Variants in PSAP observed in about 807,000 individuals in gnomAD.
The protein encoded by PSAP is prosaposin.
A neutral mutation model predicts 66.0 loss-of-function variants in PSAP; 25 were observed. The observed-to-expected ratio is 0.38, with a 90% confidence interval of 0.28 to 0.53. The LOEUF is 0.53. PSAP is among the 20% of genes least tolerant of loss of function. PSAP has a pLI of 0.83. For missense variants in PSAP, 649 were observed against 668.8 expected, an observed-to-expected ratio of 0.97 and a Z score of 0.33; for synonymous variants, 273 against 258.9, an observed-to-expected ratio of 1.05 and a Z score of -0.52.
intron 1 of PSAP, among the ~76,000 whole-genome samples, chr10:71,834,875 T>G (rs1589454519): frequency 6.6e-6 from 1 of 152,166 alleles, no homozygotes; most frequent in East Asian, 1.9e-4. Flanking sequence ...GACTAACAAA[T>G]TCAAATACAG....
intron 1 of PSAP, among the ~76,000 whole-genome samples, chr10:71,843,978 T>C (rs1325205565): frequency 6.6e-6 from 1 of 152,218 alleles, no homozygotes. Context: ...AATCTAACAT[T>C]ATCTCAAATT....
At chr10:71,851,064 G>T in intron 1 of PSAP, 118 bp downstream of exon 1, 3 of 1,212,222 alleles carry the variant, frequency 2.5e-6, no homozygotes, top group East Asian at 2.5e-5. Context: ...CGCAGTGCGC[G>T]CGCCCCCTTG....
intron 7 of PSAP, chr10:71,823,998 G>C (rs982644343): frequency 2.3e-6 from 2 of 868,546 alleles, no homozygotes; most frequent in African/African-American, 1.7e-5. Context: ...TTAACCAGGT[G>C]TAAGGATGTC....
At chr10:71,823,246 C>G (rs998968620) in intron 7 of PSAP, among the ~76,000 whole-genome samples, 3 of 152,176 alleles carry the variant, frequency 2.0e-5, no homozygotes, top group Non-Finnish European at 4.4e-5. Context: ...TGGCTCAGAG[C>G]AAGTATGGAC....
At chr10:71,838,833 T>C (rs1395131631) in intron 1 of PSAP, among the ~76,000 whole-genome samples, 1 of 152,000 alleles carries the variant, frequency 6.6e-6, no homozygotes, top group East Asian at 1.9e-4. Flanking sequence ...AGAAACAAAA[T>C]GCATAACTTA....
At chr10:71,820,155 C>A in intron 9 of PSAP, 85 bp downstream of exon 9, 1 of 1,257,058 alleles carries the variant, frequency 8.0e-7, no homozygotes. Context: ...TGGGCCAAGC[C>A]CTCTCTCCTG....
At chr10:71,849,063 G>A (rs1842876834) in intron 1 of PSAP, among the ~76,000 whole-genome samples, 1 of 152,124 alleles carries the variant, frequency 6.6e-6, no homozygotes, top group Non-Finnish European at 1.5e-5. Context: ...TAAGGGTCTT[G>A]TGAGGAGTGA....
In PSAP at chr10:71,828,960, T is replaced by G. The variant is rs1169562470; in HGVS notation, c.493A>C (p.Thr165Pro). ...ESNKIPELDM[T>P]EVVAPFMANI... ...GCCATGAAGGGGGCCACCACCTCAG[T>G]CATGTCCAGCTCTGGGATCTTATTG... The change falls in exon 5 of 14, where the codon ACT (threonine) becomes CCT (proline). Residue 165 changes from threonine to proline, a missense_variant. By Grantham distance (38) the Thr-to-Pro change is conservative. Transcript: ENST00000394936. The G allele has an allele frequency of 1.9e-6, 3 of 1,614,174 alleles. No homozygotes were observed. The Admixed American group carries it at 5.0e-5, about 27-fold the overall frequency.
At chr10:71,833,016 C>CAAAAAAAAAAAAAAAAAAA (rs781415981) in intron 2 of PSAP, among the ~76,000 whole-genome samples, 7 of 50,710 alleles carry the variant, frequency 1.4e-4, no homozygotes, top group South Asian at 8.6e-4. Flanking sequence ...GAGTCCATCT[C>CAAAAAAAAAAAAAAAAAAA]AAAAAAAAAA....
At chr10:71,848,488 C>G (rs953800524) in intron 1 of PSAP, among the ~76,000 whole-genome samples, 1 of 152,144 alleles carries the variant, frequency 6.6e-6, no homozygotes, top group Non-Finnish European at 1.5e-5. Context: ...AGATTACATG[C>G]TCTCCAATTC....
intron 7 of PSAP, chr10:71,823,901 T>C (rs1003181076): frequency 5.4e-6 from 7 of 1,296,884 alleles, no homozygotes; most frequent in African/African-American, 3.0e-5. Flanking sequence ...ATCCTGCTGT[T>C]GAACAAAAAA....
rs148840946 is a variant in PSAP at position 71,844,181 on chromosome 10, T to C, written c.40+7001A>G. On this transcript the variant is annotated intron_variant, in intron 1 of 13. Coordinates refer to ENST00000394936, the MANE Select transcript of PSAP (RefSeq NM_002778.4). ...ACTGGAAACTGAATACGTTATGGAA[T>C]GGCAACTGCCAAGATCATTTGAGAG... Among the ~76,000 whole-genome samples the C allele has an allele frequency of 7.4e-3, 1,134 of 152,352 alleles. 6 individuals carry two copies. Among genetic ancestry groups the C allele is most frequent in the Non-Finnish European group, 0.011 (764 of 68,030 alleles).
intron 1 of PSAP, among the ~76,000 whole-genome samples, chr10:71,836,107 T>C (rs2133055671): frequency 6.6e-6 from 1 of 152,310 alleles, no homozygotes; most frequent in Middle Eastern, 3.4e-3. Context: ...AAATGAATTA[T>C]TCATCTGCTG....
At chr10:71,825,130 C>T (rs1842377003) in intron 7 of PSAP, among the ~76,000 whole-genome samples, 1 of 152,170 alleles carries the variant, frequency 6.6e-6, no homozygotes, top group Non-Finnish European at 1.5e-5. Context: ...CATGATGGGC[C>T]AGTTTGCTGA....
intron 13 of PSAP, 147 bp downstream of exon 13, chr10:71,818,470 A>C: frequency 1.3e-6 from 1 of 789,652 alleles, no homozygotes; most frequent in East Asian, 2.4e-5. Context: ...ACCATGAGTA[A>C]GCCTAACCAC....
At chr10:71,839,472 T>C (rs1294728098) in intron 1 of PSAP, among the ~76,000 whole-genome samples, 1 of 151,840 alleles carries the variant, frequency 6.6e-6, no homozygotes, top group East Asian at 2.0e-4. Flanking sequence ...ACTCCTGACC[T>C]CGTGATCCAC....
chr10:71,818,596 A>C, intron 13 of PSAP, 21 bp downstream of exon 13: 1 of 1,600,266 alleles, frequency 6.2e-7, no homozygotes, highest in Non-Finnish European at 8.6e-7. Context: ...GGCTGGTGAC[A>C]CTGTCTGCTG....
chr10:71,847,638 T>C (rs1401881105), intron 1 of PSAP, among the ~76,000 whole-genome samples: 2 of 150,972 alleles, frequency 1.3e-5, no homozygotes, highest in Admixed American at 1.3e-4. Context: ...CCTATTAAAC[T>C]TTCTGCTCCA....
chr10:71,818,520 T>C, intron 13 of PSAP, 97 bp downstream of exon 13: 1 of 1,053,176 alleles, frequency 9.5e-7, no homozygotes, highest in Non-Finnish European at 1.5e-6. Context: ...AAAAGCAGGG[T>C]GGAGAGTTGA....
Sources: gnomAD v4.1 joint callset for allele counts (sites outside exome capture counted in the v4.1 genomes callset) on GRCh38, gnomAD v4.1.1 for gene constraint, MANE v1.5 for transcripts, NCBI Gene and HGNC (gene_info 2026-07-23, HGNC 2026-07-21) for gene names.